Variants in PDZD2 observed in about 807,000 individuals in gnomAD.
The protein encoded by PDZD2 is PDZ domain-containing protein 2.
PDZD2 carries 90 observed loss-of-function variants against 220.7 expected under a neutral mutation model. That is an observed-to-expected ratio of 0.41 (90% CI 0.34 to 0.49). The LOEUF (loss-of-function observed/expected upper bound fraction) is 0.49, where lower values mean the gene tolerates loss of function less well. PDZD2 is among the 20% of genes least tolerant of loss of function. The pLI, the probability that PDZD2 is intolerant of heterozygous loss-of-function variation, is 0.28. For missense variants in PDZD2, 3,174 were observed against 3,608.5 expected, an observed-to-expected ratio of 0.88 and a Z score of 3.08; for synonymous variants, 1,375 against 1,450.5, an observed-to-expected ratio of 0.95 and a Z score of 1.18.
At chr5:31,894,475 C>G (rs1741354403) in intron 2 of PDZD2, among the ~76,000 whole-genome samples, 1 of 151,874 alleles carries the variant, frequency 6.6e-6, no homozygotes, top group Non-Finnish European at 1.5e-5. Context: ...TTTTCCCTTC[C>G]AGCTTTTATG....
intron 2 of PDZD2, among the ~76,000 whole-genome samples, chr5:31,969,941 C>T (rs1051281742): frequency 1.3e-5 from 2 of 151,982 alleles, no homozygotes; most frequent in Non-Finnish European, 2.9e-5. Context: ...TCTTGTTGCC[C>T]AGGCTGGAGT....
intron 5 of PDZD2, among the ~76,000 whole-genome samples, chr5:32,009,921 A>G (rs966075127): frequency 6.6e-6 from 1 of 151,814 alleles, no homozygotes; most frequent in Admixed American, 6.6e-5. Flanking sequence ...GTGAAACCCC[A>G]TCTCTATTAA....
intron 4 of PDZD2, among the ~76,000 whole-genome samples, chr5:31,997,602 A>C (rs1393006233): frequency 6.6e-6 from 1 of 152,196 alleles, no homozygotes; most frequent in Non-Finnish European, 1.5e-5. Context: ...GTCTTCCTTT[A>C]ACAAGTTGGC....
At chr5:32,029,151 T>G (rs952065676) in intron 6 of PDZD2, among the ~76,000 whole-genome samples, 1 of 152,064 alleles carries the variant, frequency 6.6e-6, no homozygotes, top group African/African-American at 2.4e-5. Flanking sequence ...TGTGCTTTAC[T>G]TTTTAGTGAT....
At chr5:31,909,906 A>G (rs546303947) in intron 2 of PDZD2, among the ~76,000 whole-genome samples, 5 of 152,286 alleles carry the variant, frequency 3.3e-5, no homozygotes, top group Admixed American at 2.0e-4. Flanking sequence ...GTCACTGGAC[A>G]TTTTATCCAA....
In PDZD2 at chr5:32,041,847, A is replaced by AAACAAC. The variant is rs138602842; in HGVS notation, c.1519+4529_1519+4534dup. On this transcript the variant is annotated intron_variant, in intron 7 of 24. Coordinates refer to ENST00000438447, the MANE Select transcript of PDZD2 (RefSeq NM_178140.4). The stretch of plus-strand genomic sequence containing the variant: ...ACCCAAGAATAATCAATAAATACTA[A>AAACAAC]AACAACAACAACAACAACAACAACA... 9.4e-5 allele frequency among the ~76,000 whole-genome samples: 13 copies of AAACAAC among 137,852 alleles called. 1 individual carries two copies. Among genetic ancestry groups the AAACAAC allele is most frequent in the African/African-American group, 3.2e-4 (12 of 37,294 alleles). 90.4% of individuals were successfully genotyped at this position (137,852 alleles called of 152,430 possible).
intron 2 of PDZD2, among the ~76,000 whole-genome samples, chr5:31,982,045 C>A (rs1750339915): frequency 1.3e-5 from 2 of 152,206 alleles, no homozygotes; most frequent in Non-Finnish European, 2.9e-5. Context: ...CTGACCCTGA[C>A]CCCTCTCCAT....
At chr5:32,044,221 C>T (rs968670801) in intron 7 of PDZD2, among the ~76,000 whole-genome samples, 1 of 151,992 alleles carries the variant, frequency 6.6e-6, no homozygotes, top group Non-Finnish European at 1.5e-5. Context: ...TGCAGCTACT[C>T]GGGAGGCTGA....
At chr5:31,855,478 A>AG (rs1561512741) in intron 2 of PDZD2, among the ~76,000 whole-genome samples, 1 of 152,220 alleles carries the variant, frequency 6.6e-6, no homozygotes, top group Non-Finnish European at 1.5e-5. Flanking sequence ...GGGTGCCCAG[A>AG]GGGGACAGGT....
chr5:31,800,355 C>T (rs1248793533), intron 2 of PDZD2, among the ~76,000 whole-genome samples: 3 of 152,136 alleles, frequency 2.0e-5, no homozygotes, highest in African/African-American at 7.2e-5. Flanking sequence ...TCAGTTCTCC[C>T]AGCAATGATG....
chr5:31,754,726 A>G (rs1317125256), intron 1 of PDZD2: 1 of 152,174 alleles, frequency 6.6e-6, no homozygotes, highest in African/African-American at 2.4e-5. Flanking sequence ...TTCTGGAAAG[A>G]TCTGTGTATA....
chr5:31,984,183 G>A lies in PDZD2; in HGVS notation c.978+527G>A, dbSNP rs73751752. Among the ~76,000 whole-genome samples, 1,517 of 152,270 alleles carry A rather than the reference G, an allele frequency of 1.0e-2. 24 individuals carry two copies. The highest frequency in any genetic ancestry group is 0.036 in the African/African-American group (1,479 of 41,544). Reference sequence around the variant, plus strand: ...ATTAGTGATGTTTTCATGGGATCACGTTATTACATTGCTGAGTTCTAGGGA... The same window carrying A: ...ATTAGTGATGTTTTCATGGGATCACATTATTACATTGCTGAGTTCTAGGGA... On this transcript the variant is annotated intron_variant, in intron 3 of 24. Transcript: ENST00000438447.
intron 1 of PDZD2, among the ~76,000 whole-genome samples, chr5:31,756,358 G>A (rs1346350654): frequency 1.3e-5 from 2 of 152,196 alleles, no homozygotes; most frequent in East Asian, 1.9e-4. Context: ...TTTCTAGTTT[G>A]TTCAGCACCA....
intron 1 of PDZD2, among the ~76,000 whole-genome samples, chr5:31,740,280 G>A (rs1750165848): frequency 6.6e-6 from 1 of 151,866 alleles, no homozygotes; most frequent in South Asian, 2.1e-4. Context: ...CAGCACTTTG[G>A]GAGGCCGAGG....
intron 1 of PDZD2, among the ~76,000 whole-genome samples, chr5:31,668,110 C>A (rs1746075391): frequency 6.6e-6 from 1 of 152,170 alleles, no homozygotes; most frequent in South Asian, 2.1e-4. Flanking sequence ...ATCTGCCCAC[C>A]TCTGCCTTCC....
intron 8 of PDZD2, among the ~76,000 whole-genome samples, chr5:32,050,834 TAAAA>T (rs928570165): frequency 6.6e-6 from 1 of 152,000 alleles, no homozygotes; most frequent in African/African-American, 2.4e-5. Flanking sequence ...AATAAACAAA[TAAAA>T]TAAATAAATA....
chr5:32,079,369 C>T (rs776115119), intron 19 of PDZD2, among the ~76,000 whole-genome samples: 3 of 151,812 alleles, frequency 2.0e-5, no homozygotes, highest in Non-Finnish European at 2.9e-5. Flanking sequence ...TGTGATCCCA[C>T]TTGTCGAGCT....
At position 31,995,680 on chromosome 5, in the gene PDZD2, CGTT is replaced by C; in HGVS notation, c.1086_1088del (p.Val363del). 1 of 1,614,056 alleles carries C rather than the reference CGTT, an allele frequency of 6.2e-7. No individual in the cohort carries two copies. Among genetic ancestry groups the C allele is most frequent in the Non-Finnish European group, 8.5e-7 (1 of 1,180,018 alleles). Reference sequence around the variant, plus strand: ...GATCAAAGCGCTCACCTCACGCTATCGTTGTCACTCAAGTGAAGGAAGGAGGTG... The same window carrying C: ...GATCAAAGCGCTCACCTCACGCTATCGTCACTCAAGTGAAGGAAGGAGGTG... On this transcript the variant is annotated inframe_deletion, in exon 4 of 25. Transcript: ENST00000438447.
intron 24 of PDZD2, 103 bp downstream of exon 24, chr5:32,101,342 CTG>C: frequency 9.3e-7 from 1 of 1,069,606 alleles, no homozygotes; most frequent in Non-Finnish European, 1.3e-6. Flanking sequence ...AAAACCTAAA[CTG>C]TTTTTAATGC....
Sources: allele counts gnomAD v4.1 joint callset (sites outside exome capture counted in the v4.1 genomes callset), GRCh38; gene constraint gnomAD v4.1.1; transcripts MANE v1.5; gene names NCBI Gene and HGNC (gene_info 2026-07-23, HGNC 2026-07-21).